TRAPPC11: variants seen among roughly 807,000 people sequenced by gnomAD.
TRAPPC11 encodes foie gras homolog.
In TRAPPC11, 104 loss-of-function variants were observed where a neutral mutation model predicts 151.2. That is an observed-to-expected ratio of 0.69 (90% confidence interval 0.59 to 0.81). TRAPPC11 has a LOEUF of 0.81. Ranked by LOEUF, TRAPPC11 falls within the 30% of genes least tolerant of loss-of-function variation. TRAPPC11 has a pLI of 0.00. For synonymous variants in TRAPPC11, 456 were observed against 472.3 expected (o/e 0.97, Z 0.45); for missense variants, 1,230 against 1,349.6 (o/e 0.91, Z 1.39).
chr4:183,665,183 C>T (rs1047656950), intron 2 of TRAPPC11, among the ~76,000 whole-genome samples: 11 of 151,298 alleles, frequency 7.3e-5, no homozygotes, highest in East Asian at 1.9e-4. Context: ...CAAGCTCCGC[C>T]TCCTGGGTTC....
At chr4:183,701,905 C>A in intron 26 of TRAPPC11, 97 bp downstream of exon 26, 1 of 854,128 alleles carries the variant, frequency 1.2e-6, no homozygotes, top group South Asian at 1.5e-5. Flanking sequence ...GAGTTTCTGT[C>A]ATTCTGAAGA....
At chr4:183,697,397 G>T in intron 23 of TRAPPC11, 106 bp from the exon 24 acceptor site, 1 of 1,011,074 alleles carries the variant, frequency 9.9e-7, no homozygotes. Context: ...TTCTTAGTAT[G>T]TATAATTTGG....
intron 1 of TRAPPC11, among the ~76,000 whole-genome samples, chr4:183,661,457 C>T (rs1439863005): frequency 1.4e-5 from 2 of 147,764 alleles, no homozygotes; most frequent in African/African-American, 2.5e-5. Flanking sequence ...CTGCAAGCTC[C>T]GCCTCCCGGG....
At chr4:183,712,113 G>A (rs1737365814) in intron 29 of TRAPPC11, among the ~76,000 whole-genome samples, 1 of 152,106 alleles carries the variant, frequency 6.6e-6, no homozygotes, top group South Asian at 2.1e-4. Context: ...CAGGAGATTG[G>A]GCAACCTTGA....
intron 26 of TRAPPC11, among the ~76,000 whole-genome samples, chr4:183,703,653 T>A (rs981104290): frequency 1.3e-5 from 2 of 152,158 alleles, no homozygotes; most frequent in Non-Finnish European, 2.9e-5. Flanking sequence ...GGAGGATCGC[T>A]GGAGCTCAGG....
In TRAPPC11 at chr4:183,682,732, G is replaced by A. The variant is rs372479687; in HGVS notation, c.1114G>A (p.Ala372Thr). ...QLAKTLCNHE[A>T]SVMYPNPDPL... ...TTTAGGTTTGTGTTTTAATTTACAG[G>A]CTTCTGTAATGTATCCCAATCCTGA... Residue 372 changes from alanine (A) to threonine (T), a missense_variant and splice_region_variant, in exon 11 of 30, where the codon GCT (alanine) becomes ACT (threonine). Physicochemically the swap from Ala to Thr is moderately conservative, Grantham distance 58 (BLOSUM62 0). Transcript: ENST00000334690. 6.2e-7 allele frequency: 1 copy of A among 1,600,600 alleles called. No homozygotes were observed. Among genetic ancestry groups the A allele is most frequent in the South Asian group, 1.1e-5 (1 of 88,950 alleles).
intron 1 of TRAPPC11, among the ~76,000 whole-genome samples, chr4:183,662,842 A>T (rs1734627870): frequency 6.6e-6 from 1 of 152,050 alleles, no homozygotes; most frequent in Admixed American, 6.6e-5. Context: ...TTCTTGGTCT[A>T]CTAATTTCAA....
intron 1 of TRAPPC11, among the ~76,000 whole-genome samples, chr4:183,661,159 C>A (rs974548057): frequency 6.6e-6 from 1 of 152,010 alleles, no homozygotes; most frequent in African/African-American, 2.4e-5. Flanking sequence ...ACATTTCTGG[C>A]AAGCTTTGCA....
At chr4:183,663,755 TGAGACAG>T in intron 1 of TRAPPC11, 85 bp from the exon 2 acceptor site, 1 of 473,400 alleles carries the variant, frequency 2.1e-6, no homozygotes, top group Non-Finnish European at 3.7e-6. Flanking sequence ...TTTTTTTTTT[TGAGACAG>T]AGTTTTGCTC....
rs553953529 is a variant in TRAPPC11 at position 183,683,703 on chromosome 4, C to G, written c.1208-272C>G. On this transcript the variant is annotated intron_variant, in intron 11 of 29. Transcript: ENST00000334690. ...AAATGATTATCTCCAGCAAGTGTAT[C>G]CTCTATAGAGGATGATATTGACATT... 1.3e-4 allele frequency: 58 copies of G among 433,350 alleles called. No individual in the cohort carries two copies. In the Admixed American group the frequency reaches 1.9e-3, roughly 14 times the overall value. The allele number at this position is 433,350 out of a possible 1,614,324, so 26.8% of individuals were successfully genotyped here. A position where few individuals can be genotyped will look rare whatever the true frequency, so the allele number is the denominator to read the frequency against.
rs1735992541 is a variant in TRAPPC11 at position 183,686,753 on chromosome 4, T to A, written c.1893+5T>A. On this transcript the variant is annotated splice_donor_5th_base_variant and intron_variant, in intron 18 of 29. Transcript: ENST00000334690. ...TGTGTCAGCTTTAATAATCAGGTAA[T>A]GATGCCATGTCATGTGTTTTTACCA... 1 of 1,613,856 alleles carries A rather than the reference T, an allele frequency of 6.2e-7. No individual in the cohort carries two copies. The highest frequency in any genetic ancestry group is 1.1e-5 in the South Asian group (1 of 91,054).
At chr4:183,699,664 A>G (rs1736707291) in intron 25 of TRAPPC11, among the ~76,000 whole-genome samples, 1 of 152,304 alleles carries the variant, frequency 6.6e-6, no homozygotes. Context: ...CCAAAAAACA[A>G]GGTGTCAGCC....
chr4:183,694,571 A>G (rs759059693), intron 22 of TRAPPC11, 33 bp from the exon 23 acceptor site: 1 of 1,586,564 alleles, frequency 6.3e-7, no homozygotes, highest in Admixed American at 1.7e-5. Flanking sequence ...TGTCTGTAAT[A>G]CTAATTAAAT....
Position 183,674,717 on chromosome 4 carries a change from G to T in TRAPPC11, c.565G>T (p.Glu189Ter). The change falls in exon 6 of 30, where the codon GAA becomes TAA. Residue 189 changes from glutamate (E) to a stop codon, truncating the protein, a stop_gained. Coordinates refer to ENST00000334690, the MANE Select transcript of TRAPPC11 (RefSeq NM_021942.6). LOFTEE classifies it high-confidence loss of function. Reference protein sequence around the residue: ...DHLVGYIIRLENAFYEHAQTY... With the variant: ...DHLVGYIIRL ...GTTTGTTTTTGTTTTTTACAGATTG[G>T]AAAATGCCTTTTATGAACATGCACA... The T allele has an allele frequency of 6.5e-7, 1 of 1,528,710 alleles. No homozygotes were observed. Among genetic ancestry groups the T allele is most frequent in the Non-Finnish European group, 8.8e-7 (1 of 1,138,914 alleles). 94.7% of individuals were successfully genotyped at this position (1,528,710 alleles called of 1,614,324 possible).
At chr4:183,661,655 GCCA>G (rs1328919101) in intron 1 of TRAPPC11, among the ~76,000 whole-genome samples, 2 of 151,860 alleles carry the variant, frequency 1.3e-5, no homozygotes, top group Non-Finnish European at 1.5e-5. Flanking sequence ...ACAGGCGTGA[GCCA>G]CCGCGCCCGG....
chr4:183,663,768 TGCTC>T, intron 1 of TRAPPC11, 75 bp from the exon 2 acceptor site: 1 of 678,920 alleles, frequency 1.5e-6, no homozygotes. Context: ...GACAGAGTTT[TGCTC>T]TTGTTGCCCA....
Position 183,682,728 on chromosome 4 carries a change from A to C in TRAPPC11, c.1114-4A>C, listed in dbSNP as rs776852563. The C allele has an allele frequency of 1.2e-5, 19 of 1,598,664 alleles. No individual in the cohort carries two copies. On this transcript the variant is annotated splice_region_variant and splice_polypyrimidine_tract_variant and intron_variant, in intron 10 of 29. Coordinates refer to ENST00000334690, the MANE Select transcript of TRAPPC11 (RefSeq NM_021942.6). ...ATTATTTAGGTTTGTGTTTTAATTT[A>C]CAGGCTTCTGTAATGTATCCCAATC...
chr4:183,690,771 C>T (rs898357884), intron 18 of TRAPPC11, among the ~76,000 whole-genome samples: 3 of 152,068 alleles, frequency 2.0e-5, no homozygotes, highest in African/African-American at 7.3e-5. Flanking sequence ...AGTTTGAAAC[C>T]AGCTTGGGCA....
At position 183,679,491 on chromosome 4, in the gene TRAPPC11, G is replaced by T. The variant is rs758780741; in HGVS notation, c.965+5G>T. The T allele has an allele frequency of 3.2e-5, 50 of 1,584,824 alleles. No individual in the cohort carries two copies. The highest frequency in any genetic ancestry group is 4.1e-5 in the Non-Finnish European group (48 of 1,167,858). ...TGATGCATGGATGTCTAAACAGTAT[G>T]TTTTACATTGTCCTTTTAGAATTTT... is the stretch of plus-strand genomic sequence containing the variant. On this transcript the variant is annotated splice_donor_5th_base_variant and intron_variant, in intron 9 of 29. Transcript: ENST00000334690.
Sources: allele counts gnomAD v4.1 joint callset (sites outside exome capture counted in the v4.1 genomes callset), GRCh38; gene constraint gnomAD v4.1.1; transcripts MANE v1.5; gene names NCBI Gene and HGNC (gene_info 2026-07-23, HGNC 2026-07-21).